Variants in CACNA1C observed in about 807,000 individuals in gnomAD.
CACNA1C encodes voltage-dependent L-type calcium channel subunit alpha-1C.
In CACNA1C, 30 loss-of-function variants were observed where a neutral mutation model predicts 229.0. The ratio of observed to expected loss-of-function variants is 0.13; its 90% CI spans 0.10 to 0.18. CACNA1C has a LOEUF of 0.18. Among genes scored for constraint, CACNA1C ranks in the 10% least tolerant of loss-of-function variants. The probability of loss-of-function intolerance (pLI) is 1.00; values close to 1 mark genes in which losing one functional copy is unlikely to be tolerated. For missense variants in CACNA1C, 1,658 were observed against 2,845.0 expected, an observed-to-expected ratio of 0.58 and a Z score of 9.49; for synonymous variants, 1,114 against 1,132.5, an observed-to-expected ratio of 0.98 and a Z score of 0.33.
At chr12:2,570,018 T>G (rs1478308507) in intron 13 of CACNA1C, among the ~76,000 whole-genome samples, 1 of 152,176 alleles carries the variant, frequency 6.6e-6, no homozygotes, top group African/African-American at 2.4e-5. Flanking sequence ...ACGTAAACAT[T>G]GTTTCATAAA....
chr12:2,592,853 A>G (rs1398251056), intron 18 of CACNA1C, among the ~76,000 whole-genome samples: 1 of 152,052 alleles, frequency 6.6e-6, no homozygotes, highest in African/African-American at 2.4e-5. Flanking sequence ...ATAGATGAGT[A>G]ACACCTGGCA....
chr12:2,556,953 A>G lies in CACNA1C; in HGVS notation c.1484A>G (p.His495Arg), dbSNP rs954219850. 3.1e-6 allele frequency: 5 copies of G among 1,612,198 alleles called. No homozygotes were observed. The African/African-American group carries it at 6.7e-5, about 22-fold the overall frequency. Residue 495 changes from histidine to arginine, a missense_variant and splice_region_variant, in exon 11 of 47, where the codon CAC becomes CGC. Physicochemically the swap from His to Arg is conservative, Grantham distance 29. This residue lies in a region of CACNA1C where 149 missense variants were observed against 194.2 expected (regional missense o/e 0.77). Coordinates refer to ENST00000399655, the MANE Select transcript of CACNA1C (RefSeq NM_000719.7). ...EGENCGARLA[H>R]RISKSKFSRY... ...AACATTTCCTTTTTCTTTTTCAGCC[A>G]CCGGATCTCCAAGTCAAAGTTCAGG... is the stretch of plus-strand genomic sequence containing the variant.
intron 3 of CACNA1C, among the ~76,000 whole-genome samples, chr12:2,153,409 C>T (rs1012781143): frequency 5.3e-5 from 8 of 152,162 alleles, no homozygotes; most frequent in Non-Finnish European, 1.0e-4. Context: ...CACAACCATC[C>T]ATCTCCAGGA....
intron 30 of CACNA1C, among the ~76,000 whole-genome samples, chr12:2,640,887 C>T (rs1049072742): frequency 2.6e-5 from 4 of 152,236 alleles, no homozygotes; most frequent in Admixed American, 6.5e-5. Flanking sequence ...ACTTGCTGCA[C>T]GTCCACCCCC....
chr12:2,035,083 G>GTGCGCGGAGA (rs1413521007), intron 1 of CACNA1C, among the ~76,000 whole-genome samples: 1 of 152,224 alleles, frequency 6.6e-6, no homozygotes, highest in Admixed American at 6.5e-5. Flanking sequence ...CCCCCTGCTG[G>GTGCGCGGAGA]TGCGCGGAGA....
At chr12:1,974,358 T>C (rs2033602810) in intron 1 of CACNA1C, among the ~76,000 whole-genome samples, 1 of 152,178 alleles carries the variant, frequency 6.6e-6, no homozygotes, top group Non-Finnish European at 1.5e-5. Context: ...GAGTTTATTT[T>C]GCTTCAAACA....
At chr12:2,229,667 A>G (rs569061902) in intron 3 of CACNA1C, among the ~76,000 whole-genome samples, 14 of 152,284 alleles carry the variant, frequency 9.2e-5, no homozygotes, top group South Asian at 4.1e-4. Context: ...AGCACCATCT[A>G]TGGGAATGAG....
At chr12:2,128,257 CG>C (rs2090930790) in intron 3 of CACNA1C, among the ~76,000 whole-genome samples, 1 of 152,008 alleles carries the variant, frequency 6.6e-6, no homozygotes, top group Non-Finnish European at 1.5e-5. Flanking sequence ...TGTGTAGGGT[CG>C]CTGTGAGTAT....
At chr12:1,987,137 C>T (rs1264714489) in intron 1 of CACNA1C, among the ~76,000 whole-genome samples, 1 of 152,162 alleles carries the variant, frequency 6.6e-6, no homozygotes, top group Admixed American at 6.5e-5. Context: ...GCTTTACAAA[C>T]GATTTGTTAA....
At chr12:2,379,436 A>G (rs2098170983) in intron 3 of CACNA1C, among the ~76,000 whole-genome samples, 1 of 152,176 alleles carries the variant, frequency 6.6e-6, no homozygotes, top group Non-Finnish European at 1.5e-5. Flanking sequence ...TAACCCTGAG[A>G]ATTTTACTCA....
intron 22 of CACNA1C, among the ~76,000 whole-genome samples, chr12:2,604,611 T>C (rs952669933): frequency 2.6e-5 from 4 of 152,188 alleles, no homozygotes; most frequent in African/African-American, 9.7e-5. Context: ...GTGATTTACA[T>C]AGAATTCTTA....
intron 3 of CACNA1C, among the ~76,000 whole-genome samples, chr12:2,424,924 A>G (rs2099014556): frequency 6.6e-6 from 1 of 152,186 alleles, no homozygotes. Context: ...CTATTGGCCA[A>G]CAGTAGCTCC....
At chr12:2,655,268 T>C (rs373720268) in intron 34 of CACNA1C, 30 bp downstream of exon 34, 14 of 1,323,954 alleles carry the variant, frequency 1.1e-5, no homozygotes, top group Non-Finnish European at 1.4e-5. Context: ...GGTGCACAGA[T>C]ACACACACAC....
At chr12:2,272,395 C>T (rs779596168) in intron 3 of CACNA1C, among the ~76,000 whole-genome samples, 5 of 152,184 alleles carry the variant, frequency 3.3e-5, no homozygotes, top group African/African-American at 1.2e-4. Context: ...TGCCTCCTGC[C>T]TCCTCCTGCT....
chr12:2,252,460 T>C (rs1464500557), intron 3 of CACNA1C, among the ~76,000 whole-genome samples: 1 of 152,032 alleles, frequency 6.6e-6, no homozygotes, highest in Non-Finnish European at 1.5e-5. Context: ...ACGTGCTGAG[T>C]GGAAGGTGGA....
intron 3 of CACNA1C, among the ~76,000 whole-genome samples, chr12:2,151,957 T>C (rs986787063): frequency 2.0e-5 from 3 of 152,234 alleles, no homozygotes; most frequent in African/African-American, 7.2e-5. Context: ...AGCGAGGGTG[T>C]GGCAGCCGGT....
chr12:2,623,573 T>A (rs2084579216), intron 29 of CACNA1C, among the ~76,000 whole-genome samples: 1 of 152,044 alleles, frequency 6.6e-6, no homozygotes, highest in Non-Finnish European at 1.5e-5. Context: ...TCTTTTCTGG[T>A]ACTTAATCAG....
chr12:2,337,313 G>A lies in CACNA1C; in HGVS notation c.478-111663G>A, dbSNP rs532083350. Among the ~76,000 whole-genome samples, 8 of 152,308 alleles carry A rather than the reference G, an allele frequency of 5.3e-5. No individual in the cohort carries two copies. In the East Asian group the frequency reaches 7.7e-4, roughly 15 times the overall value. ...CTAGCCAGGACCATTGTTTCTGGCC[G>A]TATGAACACCCTCCTTTTCCTTTCC... On this transcript the variant is annotated intron_variant, in intron 3 of 46. Coordinates refer to ENST00000399655, the MANE Select transcript of CACNA1C (RefSeq NM_000719.7).
chr12:2,513,824 T>C (rs914998210), intron 9 of CACNA1C, among the ~76,000 whole-genome samples: 5 of 152,166 alleles, frequency 3.3e-5, no homozygotes, highest in African/African-American at 7.2e-5. Flanking sequence ...ACTGTGGGAA[T>C]GGGGCCCAGG....
Sources: gnomAD v4.1 joint callset for allele counts (sites outside exome capture counted in the v4.1 genomes callset) on GRCh38, gnomAD v4.1.1 for gene constraint, gnomAD v4.1.1 regional missense constraint, MANE v1.5 for transcripts, NCBI Gene and HGNC (gene_info 2026-07-23, HGNC 2026-07-21) for gene names.